THRB: variants seen among roughly 807,000 people sequenced by gnomAD.
THRB encodes the protein nuclear receptor subfamily 1 group A member 2.
In THRB, 12 loss-of-function variants were observed where a neutral mutation model predicts 47.8. That is an observed-to-expected ratio of 0.25 (90% CI 0.16 to 0.41). The LOEUF is 0.41. Among genes scored for constraint, THRB ranks in the 10% least tolerant of loss-of-function variants. THRB has a pLI of 1.00. For missense variants in THRB, 348 were observed against 589.2 expected, an observed-to-expected ratio of 0.59 and a Z score of 4.24; for synonymous variants, 218 against 212.2, an observed-to-expected ratio of 1.03 and a Z score of -0.24.
At chr3:24,318,655 A>G (rs1290492270) in intron 2 of THRB, among the ~76,000 whole-genome samples, 1 of 152,228 alleles carries the variant, frequency 6.6e-6, no homozygotes, top group Non-Finnish European at 1.5e-5. Context: ...TGCCTGGAAC[A>G]AAGTATGTGC....
At chr3:24,424,379 A>T (rs892418872) in intron 1 of THRB, among the ~76,000 whole-genome samples, 3 of 151,980 alleles carry the variant, frequency 2.0e-5, no homozygotes, top group Non-Finnish European at 4.4e-5. Context: ...TTTATAACCG[A>T]GGCAAATGGC....
chr3:24,409,576 G>A (rs1384414691), intron 1 of THRB, among the ~76,000 whole-genome samples: 6 of 151,756 alleles, frequency 4.0e-5, no homozygotes, highest in Admixed American at 3.9e-4. Context: ...AGTAGCTAGT[G>A]TATGCCATAT....
intron 8 of THRB, among the ~76,000 whole-genome samples, chr3:24,139,323 T>C (rs1326372825): frequency 1.3e-5 from 2 of 152,152 alleles, no homozygotes; most frequent in South Asian, 2.1e-4. Context: ...CAAATATAGA[T>C]TTAAAATCCA....
At chr3:24,141,551 C>T (rs1232023072) in intron 8 of THRB, among the ~76,000 whole-genome samples, 2 of 152,188 alleles carry the variant, frequency 1.3e-5, no homozygotes, top group Non-Finnish European at 2.9e-5. Flanking sequence ...ATCTGCCTCC[C>T]ACTAGAGGAA....
At chr3:24,494,205 T>C (rs1436675404) in intron 1 of THRB, 1 of 152,134 alleles carries the variant, frequency 6.6e-6, no homozygotes. Context: ...CCTTTAACCC[T>C]CCCCCCTGGC....
At chr3:24,294,359 T>C (rs1309026430) in intron 3 of THRB, among the ~76,000 whole-genome samples, 4 of 152,084 alleles carry the variant, frequency 2.6e-5, no homozygotes, top group East Asian at 3.9e-4. Context: ...AGGTAAAAAA[T>C]AGTTGTTTAA....
chr3:24,430,396 T>G (rs2070256131), intron 1 of THRB, among the ~76,000 whole-genome samples: 1 of 152,110 alleles, frequency 6.6e-6, no homozygotes, highest in African/African-American at 2.4e-5. Flanking sequence ...CTCAGTAAGT[T>G]ATGCTAGCAC....
chr3:24,481,719 T>C (rs1453505038), intron 1 of THRB, among the ~76,000 whole-genome samples: 1 of 151,896 alleles, frequency 6.6e-6, no homozygotes, highest in Non-Finnish European at 1.5e-5. Flanking sequence ...CAATTCTAAT[T>C]AATCAGGGCA....
At position 24,158,441 on chromosome 3, in the gene THRB, G is replaced by C. The variant is rs970055753; in HGVS notation, c.284-5951C>G. ...ATAACTTTTTTTTTTTTTGGGGGGA[G>C]GGTGGGGGACGAGTTTCACTCTTGT... On this transcript the variant is annotated intron_variant, in intron 5 of 10. Coordinates refer to ENST00000646209, the MANE Select transcript of THRB (RefSeq NM_001354712.2). 7.8e-4 allele frequency among the ~76,000 whole-genome samples: 15 copies of C among 19,214 alleles called. 1 individual carries two copies. Among genetic ancestry groups the C allele is most frequent in the African/African-American group, 3.7e-3 (13 of 3,542 alleles). The allele number at this position is 19,214 out of a possible 152,430, so 12.6% of individuals were successfully genotyped here.
intron 6 of THRB, among the ~76,000 whole-genome samples, chr3:24,148,007 G>C (rs535643221): frequency 2.0e-5 from 3 of 152,252 alleles, no homozygotes; most frequent in Admixed American, 6.5e-5. Context: ...AAATTTTACT[G>C]TATTACTTGA....
chr3:24,480,644 G>A (rs1384116509), intron 1 of THRB, among the ~76,000 whole-genome samples: 2 of 152,106 alleles, frequency 1.3e-5, no homozygotes, highest in Non-Finnish European at 2.9e-5. Context: ...AACTGCCATG[G>A]TTCAAATGAA....
chr3:24,139,029 G>A (rs1288844360), intron 8 of THRB, among the ~76,000 whole-genome samples: 1 of 152,168 alleles, frequency 6.6e-6, no homozygotes, highest in Non-Finnish European at 1.5e-5. Context: ...AGCTACCCTT[G>A]GTGGAGTGAC....
chr3:24,238,275 GTGT>G (rs547222666), intron 3 of THRB, among the ~76,000 whole-genome samples: 654 of 31,574 alleles, frequency 0.021, 9 homozygotes, highest in Non-Finnish European at 0.027. Flanking sequence ...GTGTGTGTGT[GTGT>G]GGGGGGGGGG....
chr3:24,377,859 G>A (rs1443363760), intron 1 of THRB, among the ~76,000 whole-genome samples: 3 of 151,982 alleles, frequency 2.0e-5, no homozygotes, highest in Admixed American at 6.6e-5. Context: ...TGAAATAAGG[G>A]ACTTTCCACA....
chr3:24,216,905 T>G lies in THRB; in HGVS notation c.22+12033A>C, dbSNP rs1287138097. 2.6e-5 allele frequency among the ~76,000 whole-genome samples: 4 copies of G among 151,968 alleles called. No homozygotes were observed. In the East Asian group the frequency reaches 7.7e-4, roughly 29 times the overall value. On this transcript the variant is annotated intron_variant, in intron 4 of 10. Transcript: ENST00000646209. Reference sequence around the variant, plus strand: ...GTTCGATGGGCTATTTTATATTCATTTACATAGAAATCTTTGAAGAATGAT... The same window carrying G: ...GTTCGATGGGCTATTTTATATTCATGTACATAGAAATCTTTGAAGAATGAT...
Position 24,387,117 on chromosome 3 carries a change from T to C in THRB, c.-260-49746A>G, listed in dbSNP as rs2066183002. Among the ~76,000 whole-genome samples, 3 of 152,172 alleles carry C rather than the reference T, an allele frequency of 2.0e-5. No homozygotes were observed. In the South Asian group the frequency reaches 6.2e-4, roughly 32 times the overall value. On this transcript the variant is annotated intron_variant, in intron 1 of 10. Transcript: ENST00000646209. ...CAAACTGTGACACATATGATAGTTA[T>C]TTATGGCTGCCTTACTTCACAGGGA... is the stretch of plus-strand genomic sequence containing the variant.
Position 24,455,745 on chromosome 3 carries a change from A to G in THRB, c.-261+38907T>C, listed in dbSNP as rs73036407. Among the ~76,000 whole-genome samples, 17 of 152,296 alleles carry G rather than the reference A, an allele frequency of 1.1e-4. No individual in the cohort carries two copies. The South Asian group carries it at 2.7e-3, about 24-fold the overall frequency. ...AGTGGGGTCTTTTATTAATAGGCAG[A>G]GAAAAGAGAACTGTATTATAAGACT... On this transcript the variant is annotated intron_variant, in intron 1 of 10. Transcript: ENST00000646209.
intron 4 of THRB, among the ~76,000 whole-genome samples, chr3:24,203,366 G>A (rs1236570538): frequency 2.0e-5 from 3 of 152,144 alleles, no homozygotes; most frequent in South Asian, 2.1e-4. Context: ...GTGAGTCACT[G>A]CACTCCAGCT....
intron 1 of THRB, among the ~76,000 whole-genome samples, chr3:24,435,201 C>A (rs2070817912): frequency 6.6e-6 from 1 of 152,010 alleles, no homozygotes; most frequent in Non-Finnish European, 1.5e-5. Flanking sequence ...CCATGAAAAA[C>A]AAGGATGGAG....
Sources: gnomAD v4.1 joint callset for allele counts (sites outside exome capture counted in the v4.1 genomes callset) on GRCh38, gnomAD v4.1.1 for gene constraint, MANE v1.5 for transcripts, NCBI Gene and HGNC (gene_info 2026-07-23, HGNC 2026-07-21) for gene names.